The following CELF2 variants were observed in gnomAD, a reference collection of about 807,000 sequenced individuals.
CELF2 encodes the protein CUGBP Elav-like family member 2.
A neutral mutation model predicts 62.6 loss-of-function variants in CELF2; 8 were observed. That is an observed-to-expected ratio of 0.13 (90% confidence interval 0.07 to 0.23). The LOEUF is 0.23. CELF2 is among the 10% of genes least tolerant of loss of function. The pLI is 1.00. For synonymous variants in CELF2, 258 were observed against 250.0 expected, an observed-to-expected ratio of 1.03 and a Z score of -0.30; for missense variants, 333 against 671.0, an observed-to-expected ratio of 0.50 and a Z score of 5.56.
chr10:10,830,279 TAA>T (rs57725749), intron 1 of CELF2, among the ~76,000 whole-genome samples: 9 of 122,514 alleles, frequency 7.3e-5, no homozygotes, highest in Non-Finnish European at 1.2e-4. Context: ...GGAGTTCCTT[TAA>T]AAAAAAAAAA....
the CELF2 span, among the ~76,000 whole-genome samples, chr10:10,720,588 T>C: frequency 6.6e-6 from 1 of 152,136 alleles, no homozygotes; most frequent in Non-Finnish European, 1.5e-5. Flanking sequence ...TGCCAAAGAT[T>C]GTATCATCAC....
chr10:11,267,715 G>C lies in CELF2; in HGVS notation c.618+1038G>C, dbSNP rs911454599. On this transcript the variant is annotated intron_variant, in intron 6 of 12. Transcript: ENST00000633077. This position sits in a 1 kb window ranked among gnomAD's most constrained non-coding sequence, Gnocchi z 4.4. The stretch of plus-strand genomic sequence containing the variant: ...GTTTTTGTTTGTTTTTTGCAATGCT[G>C]CATCTCCCAAAGCATGCTGGGAGCT... Among the ~76,000 whole-genome samples the C allele has an allele frequency of 2.6e-5, 4 of 151,926 alleles. No homozygotes were observed. Among genetic ancestry groups the C allele is most frequent in the Non-Finnish European group, 5.9e-5 (4 of 67,994 alleles).
At chr10:11,127,469 A>G (rs887791317) in intron 1 of CELF2, among the ~76,000 whole-genome samples, 2 of 152,190 alleles carry the variant, frequency 1.3e-5, no homozygotes, top group Admixed American at 6.5e-5. Context: ...GAATCACCAC[A>G]CTGTCTTCCA....
chr10:10,475,004 G>C, the CELF2 span, among the ~76,000 whole-genome samples: 1 of 152,150 alleles, frequency 6.6e-6, no homozygotes. Context: ...CTTTGGAAAA[G>C]ATGGAGAGCA....
At chr10:10,873,571 C>G (rs917824991) in intron 1 of CELF2, among the ~76,000 whole-genome samples, 1 of 152,160 alleles carries the variant, frequency 6.6e-6, no homozygotes, top group Non-Finnish European at 1.5e-5. Context: ...GTGCCCCAAG[C>G]GTATTGTTAC....
chr10:11,186,381 C>T (rs2074940693), intron 2 of CELF2, among the ~76,000 whole-genome samples: 1 of 135,824 alleles, frequency 7.4e-6, no homozygotes, highest in Non-Finnish European at 1.6e-5. Context: ...GTCTAACTTG[C>T]TTTTATTTTT....
At chr10:10,466,707 C>T in the CELF2 span, among the ~76,000 whole-genome samples, 1 of 152,088 alleles carries the variant, frequency 6.6e-6, no homozygotes, top group Non-Finnish European at 1.5e-5. Context: ...TCTTTGCCAA[C>T]ATTTTGTGTA....
At chr10:10,498,541 A>G in the CELF2 span, among the ~76,000 whole-genome samples, 1 of 152,206 alleles carries the variant, frequency 6.6e-6, no homozygotes, top group Non-Finnish European at 1.5e-5. Flanking sequence ...GGTTAGAGAA[A>G]TGGGACCAGG....
chr10:11,042,359 G>A (rs992710474), intron 1 of CELF2, among the ~76,000 whole-genome samples: 18 of 152,172 alleles, frequency 1.2e-4, no homozygotes, highest in Non-Finnish European at 8.8e-5. Flanking sequence ...ACAATTGGTG[G>A]ACATCTTGGT....
intron 1 of CELF2, among the ~76,000 whole-genome samples, chr10:10,906,688 G>A (rs1012556434): frequency 1.9e-4 from 29 of 149,746 alleles, no homozygotes; most frequent in Admixed American, 1.3e-3. Context: ...GAACATACCA[G>A]AACATACCTT....
At chr10:10,918,910 G>C (rs978760075) in intron 1 of CELF2, among the ~76,000 whole-genome samples, 8 of 152,010 alleles carry the variant, frequency 5.3e-5, no homozygotes, top group African/African-American at 1.9e-4. Flanking sequence ...GAGTTCAACC[G>C]AAAGCCTCCA....
chr10:10,581,108 T>C, the CELF2 span, among the ~76,000 whole-genome samples: 782 of 152,322 alleles, frequency 5.1e-3, 6 homozygotes, highest in African/African-American at 0.018. Context: ...CTGAAAAGGA[T>C]AGGATGTCAG....
chr10:10,820,811 A>G (rs972788419), intron 1 of CELF2, among the ~76,000 whole-genome samples: 4 of 152,238 alleles, frequency 2.6e-5, no homozygotes, highest in Admixed American at 2.0e-4. Context: ...TTGTAAGAGC[A>G]ATGGAAACCA....
At chr10:11,015,371 G>A (rs2057105346), upstream of CELF2, among the ~76,000 whole-genome samples, 1 of 152,162 alleles carries the variant, frequency 6.6e-6, no homozygotes, top group Non-Finnish European at 1.5e-5. This position sits in a 1 kb window ranked among gnomAD's most constrained non-coding sequence, Gnocchi z 4.8. Flanking sequence ...CTCGATATTA[G>A]AAATGAAAGC....
intron 1 of CELF2, among the ~76,000 whole-genome samples, chr10:11,115,085 T>C (rs1042268874): frequency 5.9e-5 from 9 of 152,184 alleles, no homozygotes; most frequent in Non-Finnish European, 1.2e-4. Flanking sequence ...CACATAAATG[T>C]GTGGGGATCT....
chr10:11,303,122 C>T (rs2093922393), intron 9 of CELF2, among the ~76,000 whole-genome samples: 1 of 152,198 alleles, frequency 6.6e-6, no homozygotes, highest in Non-Finnish European at 1.5e-5. Context: ...CTGTATCGAA[C>T]TAAAATCTGC....
the CELF2 span, among the ~76,000 whole-genome samples, chr10:10,556,465 C>G: frequency 2.6e-5 from 4 of 152,194 alleles, no homozygotes; most frequent in Non-Finnish European, 5.9e-5. Context: ...CAAGTCTTTG[C>G]TATTGTGAAT....
chr10:10,471,700 A>G, the CELF2 span, among the ~76,000 whole-genome samples: 1 of 151,820 alleles, frequency 6.6e-6, no homozygotes, highest in Non-Finnish European at 1.5e-5. Flanking sequence ...TCTCTTTTAA[A>G]GAATTTAAGA....
chr10:10,837,066 G>T (rs1024392590), intron 1 of CELF2, among the ~76,000 whole-genome samples: 1 of 152,152 alleles, frequency 6.6e-6, no homozygotes, highest in Non-Finnish European at 1.5e-5. Flanking sequence ...TCACTCCTTT[G>T]TGCCGCACTC....
Sources: allele counts gnomAD v4.1 joint callset (sites outside exome capture counted in the v4.1 genomes callset), GRCh38; gene constraint gnomAD v4.1.1; non-coding constraint Gnocchi (gnomAD v3.1); transcripts MANE v1.5; gene names NCBI Gene and HGNC (gene_info 2026-07-23, HGNC 2026-07-21).